The following FBL variants were observed in gnomAD, a reference collection of about 807,000 sequenced individuals.
FBL encodes the protein rRNA 2'-O-methyltransferase fibrillarin.
FBL carries 10 observed loss-of-function variants against 42.2 expected under a neutral mutation model. The ratio of observed to expected loss-of-function variants is 0.24; its 90% CI spans 0.15 to 0.40. The LOEUF is 0.40. Among genes scored for constraint, FBL ranks in the 10% least tolerant of loss-of-function variants. The pLI, the probability that FBL is intolerant of heterozygous loss-of-function variation, is 1.00. For synonymous variants in FBL, 165 were observed against 165.4 expected, an observed-to-expected ratio of 1.00 and a Z score of 0.02; for missense variants, 351 against 439.2, an observed-to-expected ratio of 0.80 and a Z score of 1.79.
At chr19:39,839,767 A>AT (rs1387219734) in intron 4 of FBL, among the ~76,000 whole-genome samples, 2 of 152,136 alleles carry the variant, frequency 1.3e-5, no homozygotes, top group Non-Finnish European at 2.9e-5. Flanking sequence ...AGGGAGAGCG[A>AT]TTAGGAAGGC....
At chr19:39,841,178 TCTC>T (rs1969158012) in intron 1 of FBL, among the ~76,000 whole-genome samples, 1 of 152,060 alleles carries the variant, frequency 6.6e-6, no homozygotes, top group South Asian at 2.1e-4. Flanking sequence ...CTCAAGCAAT[TCTC>T]CTGCCTCGGT....
At chr19:39,838,740 C>A (rs1969099517) in intron 5 of FBL, 4 of 277,446 alleles carry the variant, frequency 1.4e-5, no homozygotes, top group Non-Finnish European at 1.3e-5. Context: ...GTTTTAGCAG[C>A]ATAAAATTTT....
At chr19:39,844,814 C>T (rs968096788) in intron 1 of FBL, among the ~76,000 whole-genome samples, 5 of 152,318 alleles carry the variant, frequency 3.3e-5, no homozygotes, top group Non-Finnish European at 5.9e-5. Flanking sequence ...CTGCACCACG[C>T]CCCTGCTCAA....
rs775084179 is a variant in FBL, at chr19:39,839,036, G to A, written c.548C>T (p.Pro183Leu). 174 of 1,608,762 alleles carry A rather than the reference G, an allele frequency of 1.1e-4. 1 individual carries two copies. In the East Asian group the frequency reaches 3.4e-3, roughly 32 times the overall value. Reference sequence around the variant, plus strand: ...CTGACTCTCCATCTACTCACTCACCGGACCAACGATGTCAGAGACATGGGA... The same window carrying A: ...CTGACTCTCCATCTACTCACTCACCAGACCAACGATGTCAGAGACATGGGA... ...TVSHVSDIVG[P>L]DGLVYAVEFS... Residue 183 changes from proline (P) to leucine (L), a missense_variant and splice_region_variant, in exon 5 of 9, where the codon CCG becomes CTG. Physicochemically the swap from Pro to Leu is moderately conservative, Grantham distance 98. Transcript: ENST00000221801.
intron 1 of FBL, among the ~76,000 whole-genome samples, chr19:39,843,160 T>G (rs745808762): frequency 6.6e-6 from 1 of 152,176 alleles, no homozygotes; most frequent in African/African-American, 2.4e-5. Context: ...AAGCTCCAAA[T>G]GGGCAGGGAT....
rs911156590 is a variant in FBL at position 39,841,189 on chromosome 19, G to A, written c.11-402C>T. 4.6e-5 allele frequency among the ~76,000 whole-genome samples: 7 copies of A among 151,918 alleles called. 1 individual carries two copies. The highest frequency in any genetic ancestry group is 1.5e-4 in the African/African-American group (6 of 41,364). On this transcript the variant is annotated intron_variant, in intron 1 of 8. Coordinates refer to ENST00000221801, the MANE Select transcript of FBL (RefSeq NM_001436.4). ...TGGGCTCAAGCAATTCTCCTGCCTCGGTCTCTGAAGTAGCTAGATTACAGG... is the reference window on the plus strand; with the variant it reads ...TGGGCTCAAGCAATTCTCCTGCCTCAGTCTCTGAAGTAGCTAGATTACAGG...
In FBL at chr19:39,840,871, G is replaced by A. The variant is rs1386023361; in HGVS notation, c.11-84C>T. The A allele has an allele frequency of 8.5e-6, 11 of 1,291,104 alleles. No homozygotes were observed. The highest frequency in any genetic ancestry group is 1.5e-5 in the African/African-American group (1 of 66,754). The allele number at this position is 1,291,104 out of a possible 1,614,324, so 80.0% of individuals were successfully genotyped here. On this transcript the variant is annotated intron_variant, in intron 1 of 8. Coordinates refer to ENST00000221801, the MANE Select transcript of FBL (RefSeq NM_001436.4). This position sits in a 1 kb window ranked among gnomAD's most constrained non-coding sequence, Gnocchi z 4.5. ...GTACCCAGCAATACCTCTCAGGTGA[G>A]AAACCTGAAATACATGTGCCCGTGT...
At chr19:39,843,509 C>A (rs754172562) in intron 1 of FBL, among the ~76,000 whole-genome samples, 5 of 152,224 alleles carry the variant, frequency 3.3e-5, no homozygotes, top group Non-Finnish European at 7.3e-5. Flanking sequence ...ATAGCTCATG[C>A]CTGTAATCCC....
chr19:39,842,253 T>C (rs1969176717), intron 1 of FBL, among the ~76,000 whole-genome samples: 1 of 151,944 alleles, frequency 6.6e-6, no homozygotes, highest in East Asian at 1.9e-4. Flanking sequence ...GCCCGGCTAA[T>C]TTTTTTGTAT....
chr19:39,840,131 C>A lies in FBL; in HGVS notation c.378+102G>T. ...GTGTGGTTTACATATTATGACAATC[C>A]TCCAGCTGTCACGTGCAGGACACAT... On this transcript the variant is annotated intron_variant, in intron 4 of 8. Coordinates refer to ENST00000221801, the MANE Select transcript of FBL (RefSeq NM_001436.4). The surrounding 1 kb of genome is among the most constrained non-coding windows in gnomAD (Gnocchi z 4.5). 1 of 811,888 alleles carries A rather than the reference C, an allele frequency of 1.2e-6. No homozygotes were observed. Among genetic ancestry groups the A allele is most frequent in the East Asian group, 2.5e-5 (1 of 40,738 alleles). 50.3% of individuals were successfully genotyped at this position (811,888 alleles called of 1,614,324 possible).
rs745590088 is a variant in FBL, at chr19:39,846,275, CT to C, written c.10+15del. 3 of 1,613,902 alleles carry C rather than the reference CT, an allele frequency of 1.9e-6. No individual in the cohort carries two copies. In the South Asian group the frequency reaches 3.3e-5, roughly 18 times the overall value. ...CGGCCTCCGTCCCTGACCCCGGACC[CT>C]CACCCCAGCCTGACCTGGCTTCATG... On this transcript the variant is annotated intron_variant, in intron 1 of 8. Transcript: ENST00000221801.
intron 4 of FBL, among the ~76,000 whole-genome samples, chr19:39,839,753 C>G (rs1056923981): frequency 6.6e-6 from 1 of 151,968 alleles, no homozygotes; most frequent in Non-Finnish European, 1.5e-5. Context: ...GACATTCCCA[C>G]GAGAGGGAGA....
At position 39,840,146 on chromosome 19, in the gene FBL, G is replaced by T; in HGVS notation, c.378+87C>A. On this transcript the variant is annotated intron_variant, in intron 4 of 8. Coordinates refer to ENST00000221801, the MANE Select transcript of FBL (RefSeq NM_001436.4). The surrounding 1 kb of genome is among the most constrained non-coding windows in gnomAD (Gnocchi z 4.5). Reference sequence around the variant, plus strand: ...TATGACAATCCTCCAGCTGTCACGTGCAGGACACATGGTGAGGGCAGACAC... The same window carrying T: ...TATGACAATCCTCCAGCTGTCACGTTCAGGACACATGGTGAGGGCAGACAC... The T allele has an allele frequency of 2.2e-6, 2 of 899,492 alleles. No individual in the cohort carries two copies. The highest frequency in any genetic ancestry group is 3.7e-6 in the Non-Finnish European group (2 of 537,868). 55.7% of individuals were successfully genotyped at this position (899,492 alleles called of 1,614,324 possible).
intron 7 of FBL, 92 bp downstream of exon 7, chr19:39,836,464 T>C: frequency 1.3e-6 from 1 of 787,590 alleles, no homozygotes; most frequent in Non-Finnish European, 2.0e-6. Context: ...ACTTGGCCCC[T>C]CTGTTTTGGG....
chr19:39,839,977 G>A (rs1275747049), intron 4 of FBL, among the ~76,000 whole-genome samples: 6 of 152,064 alleles, frequency 3.9e-5, no homozygotes, highest in African/African-American at 1.4e-4. Context: ...GAGAGTTAGT[G>A]AAGGAGACAA....
chr19:39,840,708 A>T lies in FBL; in HGVS notation c.90T>A (p.Phe30Leu). Residue 30 changes from phenylalanine (F) to leucine (L), a missense_variant, in exon 2 of 9, where the codon TTT becomes TTA. Coordinates refer to ENST00000221801, the MANE Select transcript of FBL (RefSeq NM_001436.4). The surrounding 1 kb of genome is among the most constrained non-coding windows in gnomAD (Gnocchi z 4.5). ...DRGGRGGRGG[F>L]GGGRGRGGGF... Reference sequence around the variant, plus strand: ...CTCCGCCTCGACCTCGGCCCCCGCCAAAGCCCCCTCGGCCTCCACGACCAC... The same window carrying T: ...CTCCGCCTCGACCTCGGCCCCCGCCTAAGCCCCCTCGGCCTCCACGACCAC... 6.3e-7 allele frequency: 1 copy of T among 1,585,132 alleles called. No homozygotes were observed. Among genetic ancestry groups the T allele is most frequent in the African/African-American group, 1.4e-5 (1 of 74,050 alleles).
intron 7 of FBL, among the ~76,000 whole-genome samples, chr19:39,835,729 C>T (rs1385428254): frequency 6.6e-6 from 1 of 151,988 alleles, no homozygotes; most frequent in East Asian, 1.9e-4. Flanking sequence ...AGCTCCAGAG[C>T]AGCCTGAGCA....
At chr19:39,841,064 T>A (rs1969156196) in intron 1 of FBL, among the ~76,000 whole-genome samples, 1 of 152,170 alleles carries the variant, frequency 6.6e-6, no homozygotes, top group African/African-American at 2.4e-5. Context: ...ATCATAATAA[T>A]TTTTTTTGCT....
chr19:39,842,217 C>G (rs1041771165), intron 1 of FBL, among the ~76,000 whole-genome samples: 1 of 151,956 alleles, frequency 6.6e-6, no homozygotes, highest in Non-Finnish European at 1.5e-5. Context: ...TCCCCAGTAG[C>G]TGGGACTACA....
Sources: gnomAD v4.1 joint callset for allele counts (sites outside exome capture counted in the v4.1 genomes callset) on GRCh38, gnomAD v4.1.1 for gene constraint, Gnocchi (gnomAD v3.1) non-coding constraint, MANE v1.5 for transcripts, NCBI Gene and HGNC (gene_info 2026-07-23, HGNC 2026-07-21) for gene names.